The following PACRG variants were observed in gnomAD, a reference collection of about 807,000 sequenced individuals.
The protein encoded by PACRG is parkin coregulated gene protein.
A neutral mutation model predicts 29.7 loss-of-function variants in PACRG; 29 were observed. That is an observed-to-expected ratio of 0.98 (90% confidence interval 0.73 to 1.33). The LOEUF (loss-of-function observed/expected upper bound fraction) is 1.33, where lower values mean the gene tolerates loss of function less well. PACRG is among the 40% of genes most tolerant of loss of function. The probability of loss-of-function intolerance (pLI) is 0.00; values close to 1 mark genes in which losing one functional copy is unlikely to be tolerated. For synonymous variants in PACRG, 116 were observed against 118.7 expected (o/e 0.98, Z 0.15); for missense variants, 279 against 316.2 (o/e 0.88, Z 0.89).
intron 4 of PACRG, among the ~76,000 whole-genome samples, chr6:163,126,873 G>A (rs558060707): frequency 1.3e-5 from 2 of 152,314 alleles, no homozygotes; most frequent in South Asian, 4.1e-4. Flanking sequence ...TTGACCCGAA[G>A]GGGAGTCTAT....
rs146449963 is a variant in PACRG at position 162,912,090 on chromosome 6, A to T, written c.291+97809A>T. On this transcript the variant is annotated intron_variant, in intron 2 of 4. Transcript: ENST00000366888. ...TACTTTCTCATAGCAGAGAGCACAGAGGATCTGGAAAGGAAAACTGAGTAT... is the reference window on the plus strand; with the variant it reads ...TACTTTCTCATAGCAGAGAGCACAGTGGATCTGGAAAGGAAAACTGAGTAT... Among the ~76,000 whole-genome samples the T allele has an allele frequency of 7.2e-4, 110 of 152,348 alleles. 2 individuals carry two copies. In the East Asian group the frequency reaches 0.018, roughly 24 times the overall value.
intron 4 of PACRG, among the ~76,000 whole-genome samples, chr6:163,260,613 G>A (rs981070508): frequency 3.9e-5 from 6 of 152,210 alleles, no homozygotes; most frequent in Non-Finnish European, 7.3e-5. Context: ...GAGGCTGGGA[G>A]TGGGATCCTG....
chr6:163,199,017 A>G (rs1367373620), intron 4 of PACRG, among the ~76,000 whole-genome samples: 1 of 152,186 alleles, frequency 6.6e-6, no homozygotes, highest in Non-Finnish European at 1.5e-5. Context: ...AGCCTCTCCA[A>G]AGGAGGCAAT....
At chr6:163,243,095 T>C (rs562567985) in intron 4 of PACRG, among the ~76,000 whole-genome samples, 1 of 152,238 alleles carries the variant, frequency 6.6e-6, no homozygotes, top group Non-Finnish European at 1.5e-5. Flanking sequence ...TGACCCGCAT[T>C]GGACTTTTCT....
chr6:163,314,551 G>A (rs1785571100), intron 4 of PACRG, among the ~76,000 whole-genome samples: 1 of 152,166 alleles, frequency 6.6e-6, no homozygotes, highest in Non-Finnish European at 1.5e-5. Flanking sequence ...GATCAAGAAA[G>A]AGAGTCCCCG....
chr6:163,026,139 A>G (rs1477151191), intron 2 of PACRG, among the ~76,000 whole-genome samples: 1 of 152,216 alleles, frequency 6.6e-6, no homozygotes, highest in Non-Finnish European at 1.5e-5. Flanking sequence ...TAAACTAACC[A>G]TTAAACTACA....
chr6:162,773,608 G>A (rs548273693), intron 1 of PACRG, among the ~76,000 whole-genome samples: 316 of 146,314 alleles, frequency 2.2e-3, no homozygotes, highest in Non-Finnish European at 2.8e-3. Flanking sequence ...TCCGCTTCCC[G>A]GGTTCACGCC....
chr6:162,877,440 T>C (rs1371937223), intron 2 of PACRG, among the ~76,000 whole-genome samples: 1 of 150,310 alleles, frequency 6.7e-6, no homozygotes, highest in East Asian at 2.0e-4. Context: ...TGTTGGGAGG[T>C]TGGGGGCTAG....
At chr6:163,036,151 G>A (rs1808165005) in intron 2 of PACRG, among the ~76,000 whole-genome samples, 1 of 152,182 alleles carries the variant, frequency 6.6e-6, no homozygotes, top group Non-Finnish European at 1.5e-5. Context: ...ATAGTATGTT[G>A]CAAGACTGAA....
At chr6:163,115,444 T>C (rs1815935539) in intron 4 of PACRG, among the ~76,000 whole-genome samples, 1 of 152,136 alleles carries the variant, frequency 6.6e-6, no homozygotes, top group African/African-American at 2.4e-5. Context: ...CAGAAAAGCA[T>C]CCTAAGAGTG....
intron 2 of PACRG, among the ~76,000 whole-genome samples, chr6:162,869,674 T>G (rs1243617050): frequency 2.6e-5 from 4 of 152,202 alleles, no homozygotes; most frequent in South Asian, 2.1e-4. Context: ...TAATATAATT[T>G]CAGAGTTGGA....
intron 4 of PACRG, among the ~76,000 whole-genome samples, chr6:163,096,076 C>A (rs1361232348): frequency 6.6e-6 from 1 of 152,182 alleles, no homozygotes; most frequent in Admixed American, 6.5e-5. Context: ...CTTTTCCTTT[C>A]AGCAGGAAGG....
chr6:163,279,198 C>A (rs115349028), intron 4 of PACRG, among the ~76,000 whole-genome samples: 249 of 152,290 alleles, frequency 1.6e-3, no homozygotes, highest in African/African-American at 5.8e-3. Flanking sequence ...TATCTTGAAA[C>A]TTGGCTGAAT....
intron 4 of PACRG, among the ~76,000 whole-genome samples, chr6:163,124,755 C>G (rs890940106): frequency 6.6e-6 from 1 of 152,160 alleles, no homozygotes; most frequent in Non-Finnish European, 1.5e-5. Flanking sequence ...CTGGCACCTT[C>G]GAGAGGCCGT....
chr6:163,275,853 G>C (rs1784004412), intron 4 of PACRG, among the ~76,000 whole-genome samples: 1 of 152,154 alleles, frequency 6.6e-6, no homozygotes, highest in Non-Finnish European at 1.5e-5. Flanking sequence ...GCAAGAGACG[G>C]GGAAAGCATG....
intron 4 of PACRG, among the ~76,000 whole-genome samples, chr6:163,275,835 T>C (rs1376856739): frequency 6.6e-6 from 1 of 152,162 alleles, no homozygotes; most frequent in Admixed American, 6.5e-5. Context: ...TCAAAGGACA[T>C]AGTGACTGCA....
At chr6:163,206,532 G>C (rs1448958947) in intron 4 of PACRG, among the ~76,000 whole-genome samples, 1 of 152,040 alleles carries the variant, frequency 6.6e-6, no homozygotes, top group African/African-American at 2.4e-5. Context: ...AGAACAACAG[G>C]CTTCAGGGAT....
At chr6:163,275,500 A>AT (rs949890438) in intron 4 of PACRG, among the ~76,000 whole-genome samples, 2 of 152,226 alleles carry the variant, frequency 1.3e-5, no homozygotes, top group East Asian at 1.9e-4. Flanking sequence ...CAAATGTCAC[A>AT]TTTTTTTCAA....
rs147244456 is a variant in PACRG at position 163,201,933 on chromosome 6, G to T, written c.613+112525G>T. 2.8e-3 allele frequency among the ~76,000 whole-genome samples: 430 copies of T among 152,364 alleles called. 1 individual carries two copies. Among genetic ancestry groups the T allele is most frequent in the African/African-American group, 9.7e-3 (402 of 41,594 alleles). On this transcript the variant is annotated intron_variant, in intron 4 of 4. Coordinates refer to ENST00000366888, the MANE Select transcript of PACRG (RefSeq NM_001080379.2). ...GTGGCCAACCTCGACGTTAGATTTG[G>T]GGGAAGTTCAGAGGAGTGAGCGGGC...
Sources: allele counts gnomAD v4.1 joint callset (sites outside exome capture counted in the v4.1 genomes callset), GRCh38; gene constraint gnomAD v4.1.1; transcripts MANE v1.5; gene names NCBI Gene and HGNC (gene_info 2026-07-23, HGNC 2026-07-21).